PTPRT: variants seen among roughly 807,000 people sequenced by gnomAD.
PTPRT encodes the protein receptor-type tyrosine-protein phosphatase T.
Under a neutral mutation model 176.8 loss-of-function variants are expected in PTPRT, and 56 were observed. The ratio of observed to expected loss-of-function variants is 0.32; its 90% CI spans 0.26 to 0.40. PTPRT has a LOEUF of 0.40. Among genes scored for constraint, PTPRT ranks in the 10% least tolerant of loss-of-function variants. The probability of loss-of-function intolerance (pLI) is 1.00; values close to 1 mark genes in which losing one functional copy is unlikely to be tolerated. For synonymous variants in PTPRT, 783 were observed against 739.0 expected (o/e 1.06, Z -0.96); for missense variants, 1,540 against 1,908.2 (o/e 0.81, Z 3.60).
intron 9 of PTPRT, among the ~76,000 whole-genome samples, chr20:42,397,804 C>A (rs2058866152): frequency 6.6e-6 from 1 of 151,956 alleles, no homozygotes; most frequent in South Asian, 2.1e-4. Flanking sequence ...GAGTATATAC[C>A]CAGTAGTGGG....
chr20:42,914,762 G>C (rs1474189458), intron 1 of PTPRT, among the ~76,000 whole-genome samples: 3 of 152,106 alleles, frequency 2.0e-5, no homozygotes, highest in African/African-American at 7.2e-5. Flanking sequence ...ATACATAAGG[G>C]ATAAGTGGAT....
At chr20:43,178,519 G>A (rs1027945378) in intron 1 of PTPRT, among the ~76,000 whole-genome samples, 1 of 152,214 alleles carries the variant, frequency 6.6e-6, no homozygotes, top group African/African-American at 2.4e-5. Flanking sequence ...ATCTTAGGCA[G>A]AGGAAAGATT....
the PTPRT span, among the ~76,000 whole-genome samples, chr20:42,037,230 A>G: frequency 2.6e-5 from 4 of 152,290 alleles, no homozygotes; most frequent in Admixed American, 2.0e-4. Flanking sequence ...GACAGAAACA[A>G]TGATGCTGTG....
intron 7 of PTPRT, among the ~76,000 whole-genome samples, chr20:42,592,146 ATTT>A: frequency 7.1e-6 from 1 of 140,890 alleles, no homozygotes; most frequent in East Asian, 2.1e-4. Flanking sequence ...CACCCAGCTA[ATTT>A]TTTTTTTTTT....
intron 2 of PTPRT, among the ~76,000 whole-genome samples, chr20:42,876,473 AT>A (rs2078933290): frequency 6.6e-6 from 1 of 152,030 alleles, no homozygotes; most frequent in Non-Finnish European, 1.5e-5. Flanking sequence ...GGAAGGGATC[AT>A]CCCCAGTGTC....
At chr20:42,803,172 C>T (rs2145591092) in intron 2 of PTPRT, among the ~76,000 whole-genome samples, 1 of 152,364 alleles carries the variant, frequency 6.6e-6, no homozygotes, top group Non-Finnish European at 1.5e-5. Context: ...CATCTCCATG[C>T]TGTTGACAAC....
chr20:42,889,070 C>G (rs979043344), intron 1 of PTPRT, among the ~76,000 whole-genome samples: 2 of 152,150 alleles, frequency 1.3e-5, no homozygotes, highest in Non-Finnish European at 2.9e-5. Flanking sequence ...CCGTTGGATC[C>G]ATTGCCCACC....
chr20:42,503,553 T>A (rs1428316907), intron 7 of PTPRT, among the ~76,000 whole-genome samples: 1 of 152,120 alleles, frequency 6.6e-6, no homozygotes, highest in Non-Finnish European at 1.5e-5. Context: ...TGTGTGATGC[T>A]GACTCAAAAT....
intron 1 of PTPRT, among the ~76,000 whole-genome samples, chr20:43,102,286 A>T (rs538125516): frequency 7.9e-6 from 1 of 126,538 alleles, no homozygotes; most frequent in East Asian, 2.4e-4. Context: ...CTCACACATC[A>T]CACACACACA....
chr20:42,438,953 G>A (rs2059287562), intron 9 of PTPRT, among the ~76,000 whole-genome samples: 2 of 152,164 alleles, frequency 1.3e-5, no homozygotes. Flanking sequence ...ATGCGACCAG[G>A]TACATAAATG....
chr20:42,508,578 T>C (rs560421243), intron 7 of PTPRT, among the ~76,000 whole-genome samples: 5 of 152,150 alleles, frequency 3.3e-5, no homozygotes, highest in Non-Finnish European at 7.4e-5. Context: ...CTTATAAATA[T>C]TAACTCATTT....
intron 16 of PTPRT, among the ~76,000 whole-genome samples, chr20:42,198,407 T>C (rs1258120910): frequency 6.6e-6 from 1 of 152,224 alleles, no homozygotes; most frequent in Non-Finnish European, 1.5e-5. Flanking sequence ...CTTCCATTTG[T>C]AGCTTACATG....
At chr20:42,418,106 G>A (rs1023899839) in intron 9 of PTPRT, among the ~76,000 whole-genome samples, 3 of 152,062 alleles carry the variant, frequency 2.0e-5, no homozygotes, top group Non-Finnish European at 2.9e-5. Context: ...AGTATGATTT[G>A]TCTGGACTGA....
At chr20:42,397,534 A>G (rs536585730) in intron 9 of PTPRT, among the ~76,000 whole-genome samples, 2 of 152,232 alleles carry the variant, frequency 1.3e-5, no homozygotes, top group South Asian at 4.1e-4. Flanking sequence ...TTTAGCTCCC[A>G]TTTATAAGTG....
chr20:42,601,956 G>A (rs538639272), intron 7 of PTPRT, among the ~76,000 whole-genome samples: 2 of 152,212 alleles, frequency 1.3e-5, no homozygotes, highest in African/African-American at 4.8e-5. Context: ...CCCTGGGTGT[G>A]AATAACAAGC....
chr20:42,762,576 T>C (rs979436004), intron 5 of PTPRT, among the ~76,000 whole-genome samples: 1 of 152,204 alleles, frequency 6.6e-6, no homozygotes, highest in Admixed American at 6.5e-5. Flanking sequence ...ACCCAACCCA[T>C]ACTCTATTGG....
the PTPRT span, among the ~76,000 whole-genome samples, chr20:42,051,515 A>G: frequency 6.6e-6 from 1 of 152,286 alleles, no homozygotes; most frequent in East Asian, 1.9e-4. Flanking sequence ...TATTGAGATG[A>G]CAGACAACTG....
intron 12 of PTPRT, among the ~76,000 whole-genome samples, chr20:42,299,228 C>A (rs995846332): frequency 4.0e-5 from 6 of 151,806 alleles, no homozygotes; most frequent in African/African-American, 1.5e-4. Context: ...TTTAGAACCA[C>A]GTTATAATGT....
chr20:42,858,664 C>T (rs1004162168), intron 2 of PTPRT, among the ~76,000 whole-genome samples: 1 of 152,190 alleles, frequency 6.6e-6, no homozygotes, highest in African/African-American at 2.4e-5. Flanking sequence ...GCACCTTGAT[C>T]TTCAACTTCC....
Sources: gnomAD v4.1 joint callset for allele counts (sites outside exome capture counted in the v4.1 genomes callset) on GRCh38, gnomAD v4.1.1 for gene constraint, MANE v1.5 for transcripts, NCBI Gene and HGNC (gene_info 2026-07-23, HGNC 2026-07-21) for gene names.